Variants in RABGEF1 observed in about 807,000 individuals in gnomAD.
RABGEF1 encodes the protein RAB guanine nucleotide exchange factor 1.
In RABGEF1, 26 loss-of-function variants were observed where a neutral mutation model predicts 57.3. That is an observed-to-expected ratio of 0.45 (90% CI 0.33 to 0.63). The LOEUF (loss-of-function observed/expected upper bound fraction) is 0.63, where lower values mean the gene tolerates loss of function less well. Among genes scored for constraint, RABGEF1 ranks in the 20% least tolerant of loss-of-function variants. The probability of loss-of-function intolerance (pLI) is 0.02; values close to 1 mark genes in which losing one functional copy is unlikely to be tolerated. For missense variants in RABGEF1, 464 were observed against 607.6 expected, an observed-to-expected ratio of 0.76 and a Z score of 2.48; for synonymous variants, 185 against 210.7, an observed-to-expected ratio of 0.88 and a Z score of 1.06.
At chr7:66,771,097 C>G (rs1807008577) in intron 1 of RABGEF1, among the ~76,000 whole-genome samples, 1 of 151,944 alleles carries the variant, frequency 6.6e-6, no homozygotes, top group Non-Finnish European at 1.5e-5. Context: ...CCTTTTTACC[C>G]TGTCAGTTGG....
At chr7:66,730,215 C>T (rs894201164) in intron 2 of RABGEF1, among the ~76,000 whole-genome samples, 9 of 152,186 alleles carry the variant, frequency 5.9e-5, no homozygotes, top group Non-Finnish European at 1.3e-4. Flanking sequence ...GACTTCCCAG[C>T]AGGGCTTCCA....
intron 3 of RABGEF1, among the ~76,000 whole-genome samples, chr7:66,776,790 AAGGG>A (rs1250132195): frequency 2.0e-5 from 3 of 152,200 alleles, no homozygotes; most frequent in Non-Finnish European, 4.4e-5. Context: ...CTCTACGAAA[AAGGG>A]GGGAAAAATT....
chr7:66,660,207 G>T, the RABGEF1 span, among the ~76,000 whole-genome samples: 1 of 152,054 alleles, frequency 6.6e-6, no homozygotes, highest in South Asian at 2.1e-4. Context: ...AATCAGCCGG[G>T]TGTGGTGGCG....
chr7:66,712,532 G>A (rs1034815534), intron 2 of RABGEF1, among the ~76,000 whole-genome samples: 3 of 151,884 alleles, frequency 2.0e-5, no homozygotes, highest in Non-Finnish European at 2.9e-5. Flanking sequence ...GTGCAGTGTC[G>A]TGATCACAGC....
the RABGEF1 span, among the ~76,000 whole-genome samples, chr7:66,674,714 A>G: frequency 6.6e-6 from 1 of 152,176 alleles, no homozygotes; most frequent in Non-Finnish European, 1.5e-5. Flanking sequence ...AACATACTAT[A>G]TAATTCTATT....
Position 66,799,672 on chromosome 7 carries a change from A to T in RABGEF1, c.820+258A>T, listed in dbSNP as rs1310075297. Among the ~76,000 whole-genome samples the T allele has an allele frequency of 4.0e-5, 6 of 151,696 alleles. No homozygotes were observed. The South Asian group carries it at 1.0e-3, about 26-fold the overall frequency. On this transcript the variant is annotated intron_variant, in intron 7 of 8. Coordinates refer to ENST00000284957, the MANE Select transcript of RABGEF1 (RefSeq NM_014504.3). ...CTAAGGTCAAATGCAGATAGAATAA[A>T]TTTTTTTTCTTTTTTTTGTACTTCT...
intron 1 of RABGEF1, among the ~76,000 whole-genome samples, chr7:66,688,389 T>C (rs1283882795): frequency 6.6e-6 from 1 of 152,162 alleles, no homozygotes; most frequent in Non-Finnish European, 1.5e-5. Flanking sequence ...AGAGAGCACT[T>C]GAACAACATG....
At chr7:66,749,387 A>G (rs1164803810) in intron 1 of RABGEF1, among the ~76,000 whole-genome samples, 1 of 152,224 alleles carries the variant, frequency 6.6e-6, no homozygotes, top group African/African-American at 2.4e-5. Flanking sequence ...TGTTTCCTTA[A>G]TTGTATATCC....
At chr7:66,766,595 A>G (rs1451394037) in intron 1 of RABGEF1, among the ~76,000 whole-genome samples, 9 of 152,240 alleles carry the variant, frequency 5.9e-5, no homozygotes, top group Non-Finnish European at 1.2e-4. Context: ...AGTAAACTTG[A>G]GAGTTTTTTC....
the RABGEF1 span, among the ~76,000 whole-genome samples, chr7:66,675,282 T>C: frequency 0.1 from 15,858 of 151,950 alleles, 911 homozygotes; most frequent in Non-Finnish European, 0.11. Context: ...ATACAAAAAT[T>C]AGCCAGGCGT....
intron 1 of RABGEF1, among the ~76,000 whole-genome samples, chr7:66,701,497 TC>T (rs1277220607): frequency 7.6e-6 from 1 of 132,230 alleles, no homozygotes; most frequent in Non-Finnish European, 1.7e-5. Context: ...AGACTCTGAC[TC>T]TTTTTTTTTT....
At chr7:66,745,760 C>T (rs1800063792) in intron 1 of RABGEF1, among the ~76,000 whole-genome samples, 1 of 137,900 alleles carries the variant, frequency 7.3e-6, no homozygotes, top group Non-Finnish European at 1.6e-5. Context: ...CAGAGTGAGA[C>T]TCTATCTCAA....
intron 1 of RABGEF1, among the ~76,000 whole-genome samples, chr7:66,769,247 G>A (rs1484298359): frequency 6.6e-6 from 1 of 152,170 alleles, no homozygotes; most frequent in Non-Finnish European, 1.5e-5. Context: ...CTCAAAAATA[G>A]TGCACAGTGC....
the RABGEF1 span, among the ~76,000 whole-genome samples, chr7:66,667,867 G>A: frequency 1.3e-5 from 2 of 151,830 alleles, no homozygotes; most frequent in East Asian, 1.9e-4. Flanking sequence ...GTGCAATCTC[G>A]GCTCACTGCA....
rs527693692 is a variant in RABGEF1, at chr7:66,809,878, A to C, written c.*594A>C. On this transcript the variant is annotated 3_prime_UTR_variant, in exon 9 of 9. Coordinates refer to ENST00000284957, the MANE Select transcript of RABGEF1 (RefSeq NM_014504.3). ...AAATGACTCGAGAAGTGTTTAGACA[A>C]ACTCCCCTTAAGATGTGCACTCCAT... 6.5e-6 allele frequency: 1 copy of C among 152,752 alleles called. No individual in the cohort carries two copies. Among genetic ancestry groups the C allele is most frequent in the South Asian group, 2.1e-4 (1 of 4,828 alleles). The allele number at this position is 152,752 out of a possible 1,614,324, so 9.5% of individuals were successfully genotyped here.
At chr7:66,764,672 G>A (rs1805260513) in intron 1 of RABGEF1, among the ~76,000 whole-genome samples, 1 of 152,122 alleles carries the variant, frequency 6.6e-6, no homozygotes, top group African/African-American at 2.4e-5. Context: ...TCGTTCTTTT[G>A]CATGTGGCTA....
chr7:66,778,473 T>TC (rs1022755355), intron 3 of RABGEF1, among the ~76,000 whole-genome samples: 1 of 152,334 alleles, frequency 6.6e-6, no homozygotes, highest in African/African-American at 2.4e-5. Flanking sequence ...CAAGCTGAGA[T>TC]ACTTGCTTAT....
chr7:66,788,239 T>C (rs535650999), intron 4 of RABGEF1, among the ~76,000 whole-genome samples: 1 of 151,990 alleles, frequency 6.6e-6, no homozygotes, highest in Admixed American at 6.6e-5. Flanking sequence ...GAGGTCAGGA[T>C]TTCGAGACCA....
chr7:66,691,188 A>G (rs1348149352), intron 1 of RABGEF1, among the ~76,000 whole-genome samples: 1 of 152,202 alleles, frequency 6.6e-6, no homozygotes, highest in East Asian at 1.9e-4. Context: ...ACTAGTAGCA[A>G]CCACACTGAC....
Sources: gnomAD v4.1 joint callset for allele counts (sites outside exome capture counted in the v4.1 genomes callset) on GRCh38, gnomAD v4.1.1 for gene constraint, MANE v1.5 for transcripts, NCBI Gene and HGNC (gene_info 2026-07-23, HGNC 2026-07-21) for gene names.